SH2B2: variants seen among roughly 807,000 people sequenced by gnomAD.
SH2B2 encodes the protein SH2B adapter protein 2.
A neutral mutation model predicts 35.7 loss-of-function variants in SH2B2; 37 were observed. The observed-to-expected ratio is 1.04, with a 90% CI of 0.80 to 1.36. The LOEUF (loss-of-function observed/expected upper bound fraction) is 1.36. Ranked by LOEUF, SH2B2 falls within the 40% of genes most tolerant of loss-of-function variation. SH2B2 has a pLI of 0.00. For missense variants in SH2B2, 852 were observed against 817.7 expected (o/e 1.04, Z -0.51); for synonymous variants, 383 against 376.4 (o/e 1.02, Z -0.20).
chr7:102,301,261 GTTC>G lies in SH2B2; in HGVS notation c.715_717del (p.Phe239del). ...TGGCCGAGGAACGCTTCCGCCTGGA[GTTC>G]TTCGTGCCGCCCAAAGTGAGTTACC... On this transcript the variant is annotated inframe_deletion, in exon 2 of 9. Coordinates refer to ENST00000444095, the MANE Select transcript of SH2B2 (RefSeq NM_001359228.2). 6.2e-7 allele frequency: 1 copy of G among 1,604,946 alleles called. No homozygotes were observed. The highest frequency in any genetic ancestry group is 8.5e-7 in the Non-Finnish European group (1 of 1,176,282).
At chr7:102,308,998 G>A in intron 4 of SH2B2, 92 bp downstream of exon 4, 1 of 1,007,480 alleles carries the variant, frequency 9.9e-7, no homozygotes, top group South Asian at 1.3e-5. Context: ...CAGGGCGGGA[G>A]CTCAGCTTGA....
At chr7:102,293,765 C>G (rs1216770382) in intron 1 of SH2B2, among the ~76,000 whole-genome samples, 1 of 152,006 alleles carries the variant, frequency 6.6e-6, no homozygotes, top group Admixed American at 6.6e-5. Flanking sequence ...ATCAGGAGCC[C>G]CTAGAAGCCA....
intron 7 of SH2B2, among the ~76,000 whole-genome samples, chr7:102,318,764 G>A (rs2133047663): frequency 6.6e-6 from 1 of 152,284 alleles, no homozygotes; most frequent in Middle Eastern, 3.4e-3. Flanking sequence ...CCATGCAGGA[G>A]GTAGCACCTC....
Position 102,291,524 on chromosome 7 carries a change from A to C in SH2B2, c.-30+4430A>C, listed in dbSNP as rs577967565. On this transcript the variant is annotated intron_variant, in intron 1 of 8. Transcript: ENST00000444095. ...TGAATCCACACCTGTCCCCATCGCC[A>C]GCCAGAAGGCCCCCACCCATCCACT... 2.0e-5 allele frequency among the ~76,000 whole-genome samples: 3 copies of C among 152,310 alleles called. No homozygotes were observed. The East Asian group carries it at 5.8e-4, about 29-fold the overall frequency.
At chr7:102,315,631 A>C (rs943542795) in intron 6 of SH2B2, among the ~76,000 whole-genome samples, 1 of 151,156 alleles carries the variant, frequency 6.6e-6, no homozygotes, top group Non-Finnish European at 1.5e-5. Flanking sequence ...AGTCCCAGCT[A>C]CTTGGGAGGC....
Position 102,288,775 on chromosome 7 carries a change from A to G in SH2B2, c.-30+1681A>G, listed in dbSNP as rs375000016. The stretch of plus-strand genomic sequence containing the variant: ...ACAACAATCCTGTGGGTTTAGTGCT[A>G]TTATTATCCCCACACACTTAGGGAG... On this transcript the variant is annotated intron_variant, in intron 1 of 8. Transcript: ENST00000444095. 9.9e-5 allele frequency among the ~76,000 whole-genome samples: 15 copies of G among 152,200 alleles called. No individual in the cohort carries two copies. The East Asian group carries it at 2.7e-3, about 28-fold the overall frequency.
At position 102,314,440 on chromosome 7, in the gene SH2B2, A is replaced by G; in HGVS notation, c.1015+13A>G. The G allele has an allele frequency of 2.5e-6, 1 of 398,658 alleles. No homozygotes were observed. Among genetic ancestry groups the G allele is most frequent in the Admixed American group, 4.4e-5 (1 of 22,722 alleles). The allele number at this position is 398,658 out of a possible 1,614,324, so 24.7% of individuals were successfully genotyped here. On this transcript the variant is annotated intron_variant, in intron 5 of 8. Coordinates refer to ENST00000444095, the MANE Select transcript of SH2B2 (RefSeq NM_001359228.2). The stretch of plus-strand genomic sequence containing the variant: ...CTCCTGACTGATGGTAGGTAGGGGG[A>G]CAGGGTTGAAGGAGGGGCACACTCA...
chr7:102,313,021 C>T (rs1163490672), intron 4 of SH2B2, among the ~76,000 whole-genome samples: 2 of 150,568 alleles, frequency 1.3e-5, no homozygotes, highest in South Asian at 2.1e-4. Context: ...ATCAGCTACT[C>T]GGGAGGCTGA....
intron 2 of SH2B2, among the ~76,000 whole-genome samples, chr7:102,306,438 G>C (rs1793401695): frequency 6.6e-6 from 1 of 152,190 alleles, no homozygotes; most frequent in African/African-American, 2.4e-5. Flanking sequence ...TGTCCAGGCT[G>C]TCCTTGAACT....
chr7:102,300,110 G>C (rs1334629977), intron 1 of SH2B2, among the ~76,000 whole-genome samples: 1 of 152,192 alleles, frequency 6.6e-6, no homozygotes, highest in Admixed American at 6.5e-5. Flanking sequence ...TGCAACCTCT[G>C]CCTCTTGGGC....
At chr7:102,286,621 G>T (rs1486086791), upstream of SH2B2, among the ~76,000 whole-genome samples, 3 of 151,882 alleles carry the variant, frequency 2.0e-5, no homozygotes, top group Middle Eastern at 3.2e-3. Flanking sequence ...ACTCGGAGCC[G>T]GCTCCTAACC....
chr7:102,314,261 C>A (rs1042492583), intron 4 of SH2B2, 75 bp from the exon 5 acceptor site: 4 of 398,428 alleles, frequency 1.0e-5, no homozygotes, highest in Non-Finnish European at 1.8e-5. Flanking sequence ...CAGCCACTGC[C>A]TGGCCACATA....
chr7:102,308,755 C>G (rs1793498976), intron 3 of SH2B2, 60 bp from the exon 4 acceptor site: 1 of 1,252,874 alleles, frequency 8.0e-7, no homozygotes, highest in Non-Finnish European at 1.2e-6. Context: ...ACCCTATGTC[C>G]TGTGGTCTGG....
At chr7:102,288,524 C>G (rs1238622441) in intron 1 of SH2B2, among the ~76,000 whole-genome samples, 1 of 152,046 alleles carries the variant, frequency 6.6e-6, no homozygotes, top group Non-Finnish European at 1.5e-5. Context: ...TTCTTTTTAC[C>G]CTTGTTGTGA....
At chr7:102,300,281 C>T (rs1793090414) in intron 1 of SH2B2, among the ~76,000 whole-genome samples, 1 of 152,190 alleles carries the variant, frequency 6.6e-6, no homozygotes, top group Non-Finnish European at 1.5e-5. Flanking sequence ...CCACCCACCT[C>T]GGCCTCCCAA....
chr7:102,317,455 G>C, intron 7 of SH2B2, 60 bp downstream of exon 7: 2 of 1,403,602 alleles, frequency 1.4e-6, no homozygotes, highest in Non-Finnish European at 1.9e-6. Context: ...GAGGGGTCAT[G>C]GTGACCCCGG....
At chr7:102,294,486 C>T (rs1792824429) in intron 1 of SH2B2, among the ~76,000 whole-genome samples, 1 of 152,190 alleles carries the variant, frequency 6.6e-6, no homozygotes, top group Non-Finnish European at 1.5e-5. Context: ...ACATTGCAGA[C>T]ACCACCTCCT....
chr7:102,286,547 T>C (rs1792451363), upstream of SH2B2, among the ~76,000 whole-genome samples: 1 of 150,892 alleles, frequency 6.6e-6, no homozygotes, highest in Admixed American at 6.6e-5. Flanking sequence ...CGAGGAGGAG[T>C]GGGAGTCCCG....
At chr7:102,316,217 C>T (rs1793823293) in intron 6 of SH2B2, among the ~76,000 whole-genome samples, 1 of 152,104 alleles carries the variant, frequency 6.6e-6, no homozygotes, top group African/African-American at 2.4e-5. Flanking sequence ...GCCAAGGCTG[C>T]AGTGAGCTAT....
Sources: gnomAD v4.1 joint callset for allele counts (sites outside exome capture counted in the v4.1 genomes callset) on GRCh38, gnomAD v4.1.1 for gene constraint, MANE v1.5 for transcripts, NCBI Gene and HGNC (gene_info 2026-07-23, HGNC 2026-07-21) for gene names.